Variants in INSC observed in about 807,000 individuals in gnomAD.
INSC encodes the protein INSC spindle orientation adaptor protein.
In INSC, 67 loss-of-function variants were observed where a neutral mutation model predicts 58.6. The observed-to-expected ratio is 1.14, with a 90% CI of 0.94 to 1.40. INSC has a LOEUF of 1.40. Ranked by LOEUF, INSC falls within the 40% of genes most tolerant of loss-of-function variation. INSC has a pLI of 0.00. For synonymous variants in INSC, 262 were observed against 276.1 expected, an observed-to-expected ratio of 0.95 and a Z score of 0.51; for missense variants, 714 against 692.0, an observed-to-expected ratio of 1.03 and a Z score of -0.36.
chr11:15,190,336 A>T (rs1850116715), intron 5 of INSC, among the ~76,000 whole-genome samples: 1 of 152,184 alleles, frequency 6.6e-6, no homozygotes, highest in African/African-American at 2.4e-5. Flanking sequence ...TTTCAATTTG[A>T]TGGTTTGCTA....
chr11:15,123,260 AGT>A (rs1847916884), intron 1 of INSC, among the ~76,000 whole-genome samples: 1 of 152,216 alleles, frequency 6.6e-6, no homozygotes, highest in Admixed American at 6.5e-5. Context: ...CCTTTATCAT[AGT>A]TTCAATTTTA....
intron 7 of INSC, among the ~76,000 whole-genome samples, chr11:15,218,459 T>G: frequency 6.6e-6 from 1 of 152,184 alleles, no homozygotes; most frequent in East Asian, 1.9e-4. Flanking sequence ...GGGGATTTTC[T>G]TGATTTTATT....
Position 15,201,140 on chromosome 11 carries a change from C to G in INSC, c.819+191C>G, listed in dbSNP as rs534438518. 2.6e-5 allele frequency among the ~76,000 whole-genome samples: 4 copies of G among 152,258 alleles called. No individual in the cohort carries two copies. In the South Asian group the frequency reaches 6.2e-4, roughly 24 times the overall value. On this transcript the variant is annotated intron_variant, in intron 7 of 12. Transcript: ENST00000379556. ...AGCAAAGAGGTGAAGGAGATGGGGA[C>G]TGATGAGCCTGAGCAGGAAAGGCAG...
chr11:15,126,325 T>A (rs1253981498), intron 1 of INSC, among the ~76,000 whole-genome samples: 2 of 152,206 alleles, frequency 1.3e-5, no homozygotes, highest in East Asian at 1.9e-4. Flanking sequence ...GCTTTATGGC[T>A]AACACAAACA....
At chr11:15,188,215 T>C in intron 5 of INSC, 12 of 985,392 alleles carry the variant, frequency 1.2e-5, no homozygotes, top group Non-Finnish European at 1.4e-5. Context: ...TACCAATACA[T>C]AGTGTTAGAT....
At chr11:15,137,768 T>C (rs555873483) in intron 1 of INSC, among the ~76,000 whole-genome samples, 1 of 152,264 alleles carries the variant, frequency 6.6e-6, no homozygotes, top group Non-Finnish European at 1.5e-5. Flanking sequence ...ACTTCCTCCA[T>C]ATCAGAATAG....
chr11:15,112,657 G>GT, upstream of INSC: 2 of 227,044 alleles, frequency 8.8e-6, no homozygotes, highest in South Asian at 6.0e-5. Flanking sequence ...TGGGGGGGGG[G>GT]CATTTATGCC....
At chr11:15,252,198 C>T (rs982265079), downstream of INSC, among the ~76,000 whole-genome samples, 16 of 151,894 alleles carry the variant, frequency 1.1e-4, no homozygotes, top group African/African-American at 3.4e-4. Flanking sequence ...AATAGGCAGT[C>T]GATTAGTTGT....
At chr11:15,211,527 C>T (rs1851024582) in intron 7 of INSC, among the ~76,000 whole-genome samples, 1 of 152,104 alleles carries the variant, frequency 6.6e-6, no homozygotes, top group Admixed American at 6.5e-5. Flanking sequence ...AATAGAAATG[C>T]TTAATTTTGT....
rs951574027 is a variant in INSC, at chr11:15,125,365, G to A, written c.-46+10362G>A. Among the ~76,000 whole-genome samples the A allele has an allele frequency of 3.9e-5, 6 of 152,290 alleles. No individual in the cohort carries two copies. The East Asian group carries it at 9.6e-4, about 24-fold the overall frequency. On this transcript the variant is annotated intron_variant, in intron 1 of 12. Transcript: ENST00000379556. ...GGCTCTTGTGGGTTATTTGAAGAAC[G>A]TTGGCTTTTAATATGAGTGGTATAG...
the INSC span, among the ~76,000 whole-genome samples, chr11:15,256,681 G>T: frequency 6.6e-6 from 1 of 151,968 alleles, no homozygotes; most frequent in Non-Finnish European, 1.5e-5. Context: ...GTAGAGATGG[G>T]GTTTCACCAT....
chr11:15,176,134 C>T, intron 3 of INSC, 48 bp downstream of exon 3: 1 of 1,421,518 alleles, frequency 7.0e-7, no homozygotes, highest in Middle Eastern at 2.1e-4. Context: ...AGTCAGGGTG[C>T]TTTAGAGAAG....
chr11:15,171,891 A>G (rs1371312124), intron 2 of INSC, among the ~76,000 whole-genome samples: 1 of 152,136 alleles, frequency 6.6e-6, no homozygotes, highest in Non-Finnish European at 1.5e-5. Context: ...AAGGAATTGG[A>G]TTAGTGCAGC....
chr11:15,237,744 G>A (rs757897022), intron 10 of INSC, among the ~76,000 whole-genome samples: 1 of 152,156 alleles, frequency 6.6e-6, no homozygotes, highest in Non-Finnish European at 1.5e-5. Flanking sequence ...GTAAATGGAC[G>A]AGGCGAGCTC....
intron 2 of INSC, among the ~76,000 whole-genome samples, chr11:15,166,845 C>G (rs1284425353): frequency 6.6e-6 from 1 of 152,168 alleles, no homozygotes; most frequent in Non-Finnish European, 1.5e-5. Flanking sequence ...GTAACACAGT[C>G]TCTGGAGCCA....
At chr11:15,218,762 T>G (rs2133924596) in intron 7 of INSC, among the ~76,000 whole-genome samples, 1 of 152,290 alleles carries the variant, frequency 6.6e-6, no homozygotes, top group Admixed American at 6.5e-5. Flanking sequence ...ATGGGGTCAC[T>G]TTCCTGGGGT....
At chr11:15,165,813 A>G (rs1849175226) in intron 2 of INSC, among the ~76,000 whole-genome samples, 1 of 152,096 alleles carries the variant, frequency 6.6e-6, no homozygotes, top group East Asian at 1.9e-4. Context: ...CTGCTAAGGA[A>G]GAAAGGGTGT....
At chr11:15,113,119 C>CTCTCTTTCTTTCTTTCTTTCTT (rs1554899334), upstream of INSC, among the ~76,000 whole-genome samples, 10 of 73,294 alleles carry the variant, frequency 1.4e-4, no homozygotes, top group African/African-American at 4.3e-4. Flanking sequence ...TTCTCTCTCT[C>CTCTCTTTCTTTCTTTCTTTCTT]TCTTTCTTTC....
At chr11:15,260,958 G>T in the INSC span, among the ~76,000 whole-genome samples, 100 of 152,310 alleles carry the variant, frequency 6.6e-4, no homozygotes, top group African/African-American at 2.0e-3. Flanking sequence ...GCTCACAAAG[G>T]TTAGGCCCTA....
Sources: allele counts gnomAD v4.1 joint callset (sites outside exome capture counted in the v4.1 genomes callset), GRCh38; gene constraint gnomAD v4.1.1; transcripts MANE v1.5; gene names NCBI Gene and HGNC (gene_info 2026-07-23, HGNC 2026-07-21).